RGS12: variants seen among roughly 807,000 people sequenced by gnomAD.
RGS12 encodes the protein regulator of G protein signaling 12.
A neutral mutation model predicts 120.1 loss-of-function variants in RGS12; 66 were observed. The ratio of observed to expected loss-of-function variants is 0.55; its 90% CI spans 0.45 to 0.67. The LOEUF is 0.67. Among genes scored for constraint, RGS12 ranks in the 30% least tolerant of loss-of-function variants. The pLI is 0.00. For missense variants in RGS12, 1,859 were observed against 1,957.7 expected (o/e 0.95, Z 0.95); for synonymous variants, 827 against 804.7 (o/e 1.03, Z -0.47).
intron 3 of RGS12, among the ~76,000 whole-genome samples, chr4:3,382,193 C>A (rs954806176): frequency 6.6e-6 from 1 of 152,154 alleles, no homozygotes; most frequent in South Asian, 2.1e-4. Flanking sequence ...ACCATGATAT[C>A]ATTTTGCATT....
intron 1 of RGS12, among the ~76,000 whole-genome samples, chr4:3,299,937 T>C (rs1379302335): frequency 7.9e-5 from 12 of 151,928 alleles, no homozygotes; most frequent in Admixed American, 7.9e-4. Flanking sequence ...TCACTGAGGG[T>C]GGGAGGAAAG....
At chr4:3,380,426 G>C (rs537329480) in intron 3 of RGS12, among the ~76,000 whole-genome samples, 1 of 152,224 alleles carries the variant, frequency 6.6e-6, no homozygotes, top group Non-Finnish European at 1.5e-5. Flanking sequence ...TCTTCTCCCA[G>C]CTCCACTAGG....
intron 3 of RGS12, among the ~76,000 whole-genome samples, chr4:3,346,262 C>T (rs1713781197): frequency 6.6e-6 from 1 of 152,110 alleles, no homozygotes; most frequent in Non-Finnish European, 1.5e-5. Context: ...TAGGGGGACT[C>T]AAGGATCTCT....
intron 3 of RGS12, among the ~76,000 whole-genome samples, chr4:3,362,753 G>A (rs1715791148): frequency 6.8e-6 from 1 of 146,462 alleles, no homozygotes; most frequent in Non-Finnish European, 1.5e-5. Flanking sequence ...GAGGGTGTGT[G>A]TGAAGATGTG....
At chr4:3,361,547 G>C (rs1326125209) in intron 3 of RGS12, among the ~76,000 whole-genome samples, 2 of 152,182 alleles carry the variant, frequency 1.3e-5, no homozygotes, top group Non-Finnish European at 2.9e-5. Flanking sequence ...AGCAGAAATG[G>C]CGAGGGGCAG....
At chr4:3,416,260 A>C (rs1032926991) in intron 7 of RGS12, 139 bp downstream of exon 7, 6 of 988,392 alleles carry the variant, frequency 6.1e-6, no homozygotes, top group African/African-American at 3.3e-5. Context: ...CGCAGACAGA[A>C]AGTGGGGCTT....
At chr4:3,415,868 G>C in intron 6 of RGS12, 110 bp from the exon 7 acceptor site, 1 of 1,137,784 alleles carries the variant, frequency 8.8e-7, no homozygotes, top group Non-Finnish European at 1.2e-6. Context: ...GGTATTTACT[G>C]GGGCCCGTGA....
At chr4:3,429,770 G>A (rs1192048293) in intron 16 of RGS12, among the ~76,000 whole-genome samples, 2 of 152,188 alleles carry the variant, frequency 1.3e-5, no homozygotes, top group Non-Finnish European at 2.9e-5. Context: ...CTGGCCCCTC[G>A]GGGCTGTGGA....
chr4:3,293,585 G>A (rs1158989210), intron 1 of RGS12, among the ~76,000 whole-genome samples: 1 of 152,220 alleles, frequency 6.6e-6, no homozygotes, highest in Non-Finnish European at 1.5e-5. Context: ...GCGACCTGGG[G>A]TCGCCTCAGC....
At chr4:3,361,022 T>C (rs1039340618) in intron 3 of RGS12, among the ~76,000 whole-genome samples, 1 of 152,232 alleles carries the variant, frequency 6.6e-6, no homozygotes, top group African/African-American at 2.4e-5. Context: ...GGAAGCAGCC[T>C]GACTGCCCAC....
At position 3,390,821 on chromosome 4, in the gene RGS12, G is replaced by C. The variant is rs1577035173; in HGVS notation, c.2020+4384G>C. Among the ~76,000 whole-genome samples the C allele has an allele frequency of 6.6e-6, 1 of 152,170 alleles. No homozygotes were observed. The highest frequency in any genetic ancestry group is 2.1e-4 in the South Asian group (1 of 4,818). On this transcript the variant is annotated intron_variant, in intron 4 of 17. Transcript: ENST00000336727. The surrounding 1 kb of genome is among the most constrained non-coding windows in gnomAD (Gnocchi z 4.6). Reference sequence around the variant, plus strand: ...CACAAACGGCTGCCTGATGGGGGAGGGTTACCGTAATTGCCGGATTAACTT... The same window carrying C: ...CACAAACGGCTGCCTGATGGGGGAGCGTTACCGTAATTGCCGGATTAACTT...
chr4:3,314,107 A>G (rs1227817936), intron 1 of RGS12: 1 of 151,724 alleles, frequency 6.6e-6, no homozygotes, highest in Non-Finnish European at 1.5e-5. Context: ...CCTAATATTT[A>G]AATTATTAAT....
At chr4:3,289,494 G>A (rs548765811), upstream of RGS12, among the ~76,000 whole-genome samples, 7 of 152,238 alleles carry the variant, frequency 4.6e-5, no homozygotes, top group South Asian at 8.3e-4. Flanking sequence ...ATGAGCCACC[G>A]TGCCTGGCCT....
At chr4:3,368,035 C>G (rs1020465595) in intron 3 of RGS12, among the ~76,000 whole-genome samples, 2 of 152,362 alleles carry the variant, frequency 1.3e-5, no homozygotes, top group African/African-American at 2.4e-5. Context: ...CAGTTTAGCA[C>G]TTAGGTGATA....
intron 1 of RGS12, 151 bp from the exon 2 acceptor site, chr4:3,315,919 C>A (rs1386245281): frequency 2.6e-6 from 1 of 387,142 alleles, no homozygotes. Flanking sequence ...AGTTTCTTAG[C>A]CTGACTTGAA....
rs1212189893 is a variant in RGS12 at position 3,422,565 on chromosome 4, G to A, written c.3028G>A (p.Asp1010Asn). The change falls in exon 11 of 18, where the codon GAC (aspartate) becomes AAC (asparagine). Residue 1010 changes from aspartate (D) to asparagine (N), a missense_variant. Transcript: ENST00000336727. Reference sequence around the variant, plus strand: ...CGCGGACCTCTTCCTGGTGGGCGGGGACAAGGTACTGGGCCCGCCTGACCC... The same window carrying A: ...CGCGGACCTCTTCCTGGTGGGCGGGAACAAGGTACTGGGCCCGCCTGACCC... ...AAADLFLVGG[D>N]KPLVLHQDSS... The A allele has an allele frequency of 4.3e-6, 7 of 1,611,644 alleles. No individual in the cohort carries two copies. Among genetic ancestry groups the A allele is most frequent in the East Asian group, 2.2e-5 (1 of 44,874 alleles).
chr4:3,433,805 G>A lies in RGS12; in HGVS notation c.4114+2850G>A, dbSNP rs964838436. On this transcript the variant is annotated intron_variant, in intron 17 of 17. Coordinates refer to ENST00000336727, the MANE Select transcript of RGS12 (RefSeq NM_001394154.1). This position sits in a 1 kb window ranked among gnomAD's most constrained non-coding sequence, Gnocchi z 4.4. ...AGCCCCAGCACCACGCACCGAGACC[G>A]AGACCATGCACCATGCAGGCTGGCC... Among the ~76,000 whole-genome samples, 1 of 152,174 alleles carries A rather than the reference G, an allele frequency of 6.6e-6. No homozygotes were observed. The highest frequency in any genetic ancestry group is 2.4e-5 in the African/African-American group (1 of 41,450).
chr4:3,289,944 T>C (rs1322100395), upstream of RGS12, among the ~76,000 whole-genome samples: 7 of 152,242 alleles, frequency 4.6e-5, no homozygotes, highest in Admixed American at 4.6e-4. Flanking sequence ...ATTTCACTGT[T>C]ATAATGTCCC....
At chr4:3,382,510 G>A (rs1718366909) in intron 3 of RGS12, among the ~76,000 whole-genome samples, 1 of 152,196 alleles carries the variant, frequency 6.6e-6, no homozygotes, top group African/African-American at 2.4e-5. Context: ...TCAACATCAT[G>A]GGATCCACTG....
Sources: gnomAD v4.1 joint callset for allele counts (sites outside exome capture counted in the v4.1 genomes callset) on GRCh38, gnomAD v4.1.1 for gene constraint, Gnocchi (gnomAD v3.1) non-coding constraint, MANE v1.5 for transcripts, NCBI Gene and HGNC (gene_info 2026-07-23, HGNC 2026-07-21) for gene names.